Variants in TBC1D31 observed in about 807,000 individuals in gnomAD.
The protein encoded by TBC1D31 is WD repeat domain 67.
In TBC1D31, 99 loss-of-function variants were observed where a neutral mutation model predicts 132.9. The observed-to-expected ratio is 0.74, with a 90% CI of 0.63 to 0.88. The LOEUF (loss-of-function observed/expected upper bound fraction) is 0.88, where lower values mean the gene tolerates loss of function less well. Ranked by LOEUF, TBC1D31 falls within the 40% of genes least tolerant of loss-of-function variation. TBC1D31 has a pLI of 0.00. For missense variants in TBC1D31, 1,134 were observed against 1,256.6 expected, an observed-to-expected ratio of 0.90 and a Z score of 1.48; for synonymous variants, 385 against 419.4, an observed-to-expected ratio of 0.92 and a Z score of 1.00.
chr8:123,148,743 C>T (rs1373938824), intron 20 of TBC1D31, among the ~76,000 whole-genome samples: 1 of 152,074 alleles, frequency 6.6e-6, no homozygotes, highest in African/African-American at 2.4e-5. Flanking sequence ...TCTGGCCAGG[C>T]GCAGTGGTTT....
At chr8:123,151,214 GCTGA>G (rs1350584801) in intron 21 of TBC1D31, among the ~76,000 whole-genome samples, 5 of 152,132 alleles carry the variant, frequency 3.3e-5, no homozygotes, top group South Asian at 4.1e-4. Flanking sequence ...AGAAATTGAA[GCTGA>G]CTGACTATTT....
chr8:123,105,461 A>G lies in TBC1D31; in HGVS notation c.1206A>G (p.Lys402=). The change falls in exon 8 of 22, where the codon AAA becomes AAG. Residue 402 remains lysine (K), a synonymous_variant. Coordinates refer to ENST00000287380, the MANE Select transcript of TBC1D31 (RefSeq NM_145647.4). ...KQDLTGDFES[K]KNELPDGLNK... is the part of the protein sequence containing the mutation. The stretch of plus-strand genomic sequence containing the variant: ...ACCTGACTGGTGATTTTGAAAGTAA[A>G]AAGGTAAGAATATTTGGTAATTAAA... 1 of 1,607,764 alleles carries G rather than the reference A, an allele frequency of 6.2e-7. No individual in the cohort carries two copies.
intron 16 of TBC1D31, among the ~76,000 whole-genome samples, chr8:123,132,135 C>T (rs966892202): frequency 6.6e-6 from 1 of 152,106 alleles, no homozygotes; most frequent in African/African-American, 2.4e-5. Context: ...TTTTCTATTC[C>T]TAAGCCAGTA....
rs2129889280 is a variant in TBC1D31 at position 123,084,202 on chromosome 8, A to G, written c.381A>G (p.Ser127=). 1 of 1,614,228 alleles carries G rather than the reference A, an allele frequency of 6.2e-7. No individual in the cohort carries two copies. ...TTAGCTGGATGAGAGGACATGAATC[A>G]TCAGTATTTTCGATCTCTGTGCATG... The part of the protein sequence containing the change: ...ELVSWMRGHE[S]SVFSISVHAS... Residue 127 remains serine (S), a synonymous_variant, in exon 4 of 22, where the codon TCA becomes TCG. Transcript: ENST00000287380.
downstream of TBC1D31, among the ~76,000 whole-genome samples, chr8:123,155,138 G>T (rs1465163247): frequency 6.6e-6 from 1 of 152,170 alleles, no homozygotes; most frequent in African/African-American, 2.4e-5. The surrounding 1 kb of genome is among the most constrained non-coding windows in gnomAD (Gnocchi z 4.1). Flanking sequence ...GCATGATGTG[G>T]ATGCAGGTAT....
At chr8:123,086,603 C>A (rs1456621444) in intron 4 of TBC1D31, among the ~76,000 whole-genome samples, 2 of 152,192 alleles carry the variant, frequency 1.3e-5, no homozygotes, top group Non-Finnish European at 2.9e-5. Context: ...ATCTCTTCAG[C>A]TCTAGGGGCC....
At chr8:123,078,222 C>T (rs747683671) in intron 2 of TBC1D31, among the ~76,000 whole-genome samples, 3 of 152,002 alleles carry the variant, frequency 2.0e-5, no homozygotes, top group Non-Finnish European at 4.4e-5. Flanking sequence ...GTCTGCATAG[C>T]GAATGGGGCA....
chr8:123,078,240 G>A (rs1814751317), intron 2 of TBC1D31, among the ~76,000 whole-genome samples: 1 of 152,142 alleles, frequency 6.6e-6, no homozygotes, highest in Non-Finnish European at 1.5e-5. Flanking sequence ...GCAGTGATGG[G>A]AAGCTAGTTT....
At chr8:123,089,713 A>T (rs1816145975) in intron 4 of TBC1D31, among the ~76,000 whole-genome samples, 2 of 152,266 alleles carry the variant, frequency 1.3e-5, no homozygotes, top group Admixed American at 1.3e-4. Context: ...GTCTCAAAAA[A>T]ACAAAACTGT....
chr8:123,142,283 A>G lies in TBC1D31; in HGVS notation c.2662A>G (p.Lys888Glu), dbSNP rs1278877670. The G allele has an allele frequency of 1.9e-6, 3 of 1,568,754 alleles. No individual in the cohort carries two copies. The African/African-American group carries it at 4.2e-5, about 22-fold the overall frequency. The change falls in exon 19 of 22, where the codon AAG becomes GAG. Residue 888 changes from lysine (K) to glutamate (E), a missense_variant. Lys to Glu is a moderately conservative substitution (Grantham distance 56, BLOSUM62 1). Coordinates refer to ENST00000287380, the MANE Select transcript of TBC1D31 (RefSeq NM_145647.4). Reference sequence around the variant, plus strand: ...CTAGGTGATTAAAGAAAATTTGGCAAAGGCTGAACAAGCATGCCTAAATAC... The same window carrying G: ...CTAGGTGATTAAAGAAAATTTGGCAGAGGCTGAACAAGCATGCCTAAATAC... ...TQKVIKENLAKAEQACLNTDW... is the reference protein window; with the variant it reads ...TQKVIKENLAEAEQACLNTDW...
At chr8:123,155,611 C>T (rs1822968548), downstream of TBC1D31, among the ~76,000 whole-genome samples, 1 of 152,192 alleles carries the variant, frequency 6.6e-6, no homozygotes, top group African/African-American at 2.4e-5. This position sits in a 1 kb window ranked among gnomAD's most constrained non-coding sequence, Gnocchi z 4.1. Flanking sequence ...CATGGAGAGT[C>T]ATACCTGTCA....
rs1194967052 is a variant in TBC1D31, at chr8:123,144,859, A to G, written c.2974+4A>G. On this transcript the variant is annotated splice_donor_region_variant and intron_variant, in intron 20 of 21. Transcript: ENST00000287380. ...GCTGAAAATCCATGTCATAAAGGTG[A>G]GTGTCTGAGAGGCCTTTCTCTCCAT... is the stretch of plus-strand genomic sequence containing the variant. 1 of 1,605,360 alleles carries G rather than the reference A, an allele frequency of 6.2e-7. No homozygotes were observed. Among genetic ancestry groups the G allele is most frequent in the African/African-American group, 1.3e-5 (1 of 74,344 alleles).
At chr8:123,080,820 C>A (rs2129766111) in intron 2 of TBC1D31, among the ~76,000 whole-genome samples, 1 of 152,226 alleles carries the variant, frequency 6.6e-6, no homozygotes, top group African/African-American at 2.4e-5. Flanking sequence ...GAGGCGTGAG[C>A]CACCGCACCT....
At position 123,072,722 on chromosome 8, in the gene TBC1D31, T is replaced by C. The variant is rs1814023533; in HGVS notation, c.-48T>C. 1.3e-6 allele frequency: 2 copies of C among 1,544,380 alleles called. No homozygotes were observed. The highest frequency in any genetic ancestry group is 1.4e-5 in the African/African-American group (1 of 72,842). ...AGCGCTGGGCCTGCCGGGAAGGCGC[T>C]GGGACGGTTACCCAGCGGGCCGCCG... is the stretch of plus-strand genomic sequence containing the variant. On this transcript the variant is annotated 5_prime_UTR_variant, in exon 1 of 22. Transcript: ENST00000287380.
At chr8:123,124,027 C>T (rs1351173469) in intron 11 of TBC1D31, among the ~76,000 whole-genome samples, 1 of 131,672 alleles carries the variant, frequency 7.6e-6, no homozygotes, top group African/African-American at 2.8e-5. Flanking sequence ...GTAGCTTATA[C>T]AAAATAAATG....
chr8:123,116,130 A>G (rs1818885083), intron 10 of TBC1D31, among the ~76,000 whole-genome samples: 1 of 152,222 alleles, frequency 6.6e-6, no homozygotes, highest in Non-Finnish European at 1.5e-5. Flanking sequence ...CTAACAATAG[A>G]CCCAGCTACA....
chr8:123,132,915 T>C (rs1820763833), intron 16 of TBC1D31, among the ~76,000 whole-genome samples: 2 of 152,206 alleles, frequency 1.3e-5, no homozygotes, highest in African/African-American at 2.4e-5. Context: ...AGAACTCTGA[T>C]GTCTTTATTC....
chr8:123,117,314 C>CAA (rs1328330046), intron 10 of TBC1D31, among the ~76,000 whole-genome samples: 2 of 136,034 alleles, frequency 1.5e-5, no homozygotes, highest in African/African-American at 5.4e-5. Context: ...ACTTTGTCTC[C>CAA]AAAAAAAAAA....
chr8:123,103,122 A>G (rs529821790), intron 7 of TBC1D31: 1 of 152,334 alleles, frequency 6.6e-6, no homozygotes, highest in South Asian at 2.1e-4. Context: ...GTGTTTCAGT[A>G]TTCACTAATC....
Sources: gnomAD v4.1 joint callset for allele counts (sites outside exome capture counted in the v4.1 genomes callset) on GRCh38, gnomAD v4.1.1 for gene constraint, Gnocchi (gnomAD v3.1) non-coding constraint, MANE v1.5 for transcripts, NCBI Gene and HGNC (gene_info 2026-07-23, HGNC 2026-07-21) for gene names.